CBX1: variants seen among roughly 807,000 people sequenced by gnomAD.
The protein encoded by CBX1 is chromobox 1.
A neutral mutation model predicts 25.1 loss-of-function variants in CBX1; 10 were observed. That is an observed-to-expected ratio of 0.40 (90% CI 0.25 to 0.68). The LOEUF is 0.68. Among genes scored for constraint, CBX1 ranks in the 30% least tolerant of loss-of-function variants. The pLI, the probability that CBX1 is intolerant of heterozygous loss-of-function variation, is 0.40. For synonymous variants in CBX1, 63 were observed against 79.4 expected (o/e 0.79, Z 1.10); for missense variants, 106 against 218.5 (o/e 0.49, Z 3.25).
intron 3 of CBX1, among the ~76,000 whole-genome samples, chr17:48,075,579 A>G (rs969460767): frequency 3.3e-5 from 5 of 152,194 alleles, no homozygotes; most frequent in Non-Finnish European, 5.9e-5. Context: ...ATTATTCATC[A>G]ATGTCTGAAG....
At position 48,071,155 on chromosome 17, in the gene CBX1, G is replaced by A. The variant is rs1479420581; in HGVS notation, c.*280C>T. ...CTCTCCCACACACCCAATTCTGCAA[G>A]TTTTGTCCTTCATAGAAGGCCCTTT... is the stretch of plus-strand genomic sequence containing the variant. On this transcript the variant is annotated 3_prime_UTR_variant, in exon 5 of 5. Coordinates refer to ENST00000225603, the MANE Select transcript of CBX1 (RefSeq NM_001127228.2). 3.7e-6 allele frequency: 1 copy of A among 267,674 alleles called. No individual in the cohort carries two copies. The highest frequency in any genetic ancestry group is 7.1e-5 in the East Asian group (1 of 14,102). 16.6% of individuals were successfully genotyped at this position (267,674 alleles called of 1,614,324 possible).
chr17:48,080,944 AAAAAAAAATATATATATATATATATATAT>A (rs2037727297), intron 1 of CBX1, among the ~76,000 whole-genome samples: 2 of 45,008 alleles, frequency 4.4e-5, no homozygotes, highest in Non-Finnish European at 7.6e-5. Flanking sequence ...AAAAAAAAAA[AAAAAAAAATATATATATATATATATATAT>A]ATATATATAT....
At position 48,101,278 on chromosome 17, in the gene CBX1, C is replaced by A; in HGVS notation, c.-48G>T. On this transcript the variant is annotated 5_prime_UTR_variant, in exon 1 of 5. Transcript: ENST00000225603. Reference sequence around the variant, plus strand: ...CAGCGGGCTCCTCACCTCAGAGCAGCGCCCAAGAGCCCGAGAGGAATCGGT... The same window carrying A: ...CAGCGGGCTCCTCACCTCAGAGCAGAGCCCAAGAGCCCGAGAGGAATCGGT... The A allele has an allele frequency of 1.0e-6, 1 of 986,584 alleles. No homozygotes were observed. The highest frequency in any genetic ancestry group is 1.2e-6 in the Non-Finnish European group (1 of 830,176). The allele number at this position is 986,584 out of a possible 1,614,324, so 61.1% of individuals were successfully genotyped here. A position where few individuals can be genotyped will look rare whatever the true frequency, so the allele number is the denominator to read the frequency against.
chr17:48,083,042 C>T (rs1212922704), intron 1 of CBX1, among the ~76,000 whole-genome samples: 1 of 148,238 alleles, frequency 6.7e-6, no homozygotes, highest in Non-Finnish European at 1.5e-5. Flanking sequence ...AATTTTGTAT[C>T]TTTAGTAGAG....
intron 4 of CBX1, among the ~76,000 whole-genome samples, chr17:48,074,253 G>A (rs1439503533): frequency 2.0e-5 from 3 of 152,168 alleles, no homozygotes; most frequent in Non-Finnish European, 4.4e-5. Flanking sequence ...AAAGGACAAA[G>A]TTTCTAGAAT....
intron 1 of CBX1, among the ~76,000 whole-genome samples, chr17:48,093,070 CAAA>C (rs748778471): frequency 0.027 from 233 of 8,734 alleles, 8 homozygotes; most frequent in Admixed American, 0.15. Flanking sequence ...AACTCTGTCT[CAAA>C]AAAAAAAAAA....
At chr17:48,098,541 A>G (rs1430887028) in intron 1 of CBX1, among the ~76,000 whole-genome samples, 1 of 152,138 alleles carries the variant, frequency 6.6e-6, no homozygotes, top group Admixed American at 6.5e-5. Flanking sequence ...CTTGTTGCCC[A>G]GGCTGGAGTG....
rs754693837 is a variant in CBX1, at chr17:48,071,594, A to G, written c.414-15T>C. 44 of 1,584,916 alleles carry G rather than the reference A, an allele frequency of 2.8e-5. No homozygotes were observed. The highest frequency in any genetic ancestry group is 3.3e-5 in the Non-Finnish European group (38 of 1,166,484). On this transcript the variant is annotated splice_polypyrimidine_tract_variant and intron_variant, in intron 4 of 4. Transcript: ENST00000225603. ...CAGAGTTTTTCCTGCAGAATAAAGC[A>G]AAGAGAGACTTTGAGACCAGGTGCT... is the stretch of plus-strand genomic sequence containing the variant.
rs202094458 is a variant in CBX1 at position 48,082,598 on chromosome 17, G to A, written c.-37-5557C>T. Among the ~76,000 whole-genome samples, 9 of 147,868 alleles carry A rather than the reference G, an allele frequency of 6.1e-5. No individual in the cohort carries two copies. In the East Asian group the frequency reaches 9.8e-4, roughly 16 times the overall value. ...GTCGCCCAGGCTGGAGTGCAGTGAC[G>A]CAATATCAGTTCACTGCAACCTCCA... On this transcript the variant is annotated intron_variant, in intron 1 of 4. Transcript: ENST00000225603.
rs1044337947 is a variant in CBX1, at chr17:48,100,896, G to T, written c.-38+372C>A. The T allele has an allele frequency of 3.0e-6, 3 of 985,486 alleles. No individual in the cohort carries two copies. The South Asian group carries it at 1.4e-4, about 46-fold the overall frequency. The allele number at this position is 985,486 out of a possible 1,614,324, so 61.0% of individuals were successfully genotyped here. A position where few individuals can be genotyped will look rare whatever the true frequency, so the allele number is the denominator to read the frequency against. On this transcript the variant is annotated intron_variant, in intron 1 of 4. Transcript: ENST00000225603. ...AACCTCGGGTTGTGCGGTCGTATGCGCCTCCTCACGCCTATCCAAGCCTCA... is the reference window on the plus strand; with the variant it reads ...AACCTCGGGTTGTGCGGTCGTATGCTCCTCCTCACGCCTATCCAAGCCTCA...
intron 3 of CBX1, among the ~76,000 whole-genome samples, chr17:48,075,388 T>G (rs915523304): frequency 2.6e-5 from 4 of 152,082 alleles, no homozygotes; most frequent in African/African-American, 9.7e-5. Context: ...AGAGACCCAG[T>G]TTCTCCGTGT....
intron 1 of CBX1, among the ~76,000 whole-genome samples, chr17:48,092,789 G>T (rs1229623869): frequency 6.6e-6 from 1 of 151,882 alleles, no homozygotes; most frequent in Non-Finnish European, 1.5e-5. Context: ...TAATTAATTA[G>T]GCCGGGCATG....
chr17:48,095,074 T>A (rs1475094374), intron 1 of CBX1, among the ~76,000 whole-genome samples: 1 of 151,150 alleles, frequency 6.6e-6, no homozygotes, highest in Non-Finnish European at 1.5e-5. Context: ...AAAAAGAAAG[T>A]AGTGTGCTCC....
chr17:48,098,341 T>C (rs2144477064), intron 1 of CBX1, among the ~76,000 whole-genome samples: 1 of 152,290 alleles, frequency 6.6e-6, no homozygotes, highest in Non-Finnish European at 1.5e-5. Flanking sequence ...CTCTGCCAAA[T>C]GTCACAGACA....
At chr17:48,071,858 A>G (rs2037627328) in intron 4 of CBX1, among the ~76,000 whole-genome samples, 1 of 152,196 alleles carries the variant, frequency 6.6e-6, no homozygotes. Flanking sequence ...CAAGGCCCCA[A>G]AAAGCATGAC....
chr17:48,089,370 G>C (rs1400719256), intron 1 of CBX1, among the ~76,000 whole-genome samples: 4 of 150,120 alleles, frequency 2.7e-5, no homozygotes, highest in Non-Finnish European at 4.4e-5. Flanking sequence ...AACAGTGCTG[G>C]AATTACAGGC....
intron 1 of CBX1, among the ~76,000 whole-genome samples, chr17:48,091,635 G>A (rs1455336661): frequency 2.7e-5 from 4 of 150,866 alleles, no homozygotes; most frequent in Admixed American, 6.6e-5. Flanking sequence ...CTGCCTCCAG[G>A]GTTCAAGTGC....
intron 4 of CBX1, among the ~76,000 whole-genome samples, chr17:48,074,695 C>T (rs1202855161): frequency 6.6e-6 from 1 of 152,140 alleles, no homozygotes; most frequent in African/African-American, 2.4e-5. Flanking sequence ...AGAGGGTGGT[C>T]CAATCACATT....
chr17:48,098,940 A>G (rs1433802896), intron 1 of CBX1, among the ~76,000 whole-genome samples: 1 of 152,176 alleles, frequency 6.6e-6, no homozygotes, highest in East Asian at 1.9e-4. Flanking sequence ...TAGTCCTTAA[A>G]ATGGGCACAA....
Sources: gnomAD v4.1 joint callset for allele counts (sites outside exome capture counted in the v4.1 genomes callset) on GRCh38, gnomAD v4.1.1 for gene constraint, MANE v1.5 for transcripts, NCBI Gene and HGNC (gene_info 2026-07-23, HGNC 2026-07-21) for gene names.